Variants in RBFOX1 observed in about 807,000 individuals in gnomAD.
RBFOX1 encodes the protein RNA binding fox-1 homolog 1.
RBFOX1 carries 8 observed loss-of-function variants against 57.7 expected under a neutral mutation model. The observed-to-expected ratio is 0.14, with a 90% CI of 0.08 to 0.25. The LOEUF (loss-of-function observed/expected upper bound fraction) is 0.25, where lower values mean the gene tolerates loss of function less well. Ranked by LOEUF, RBFOX1 falls within the 10% of genes least tolerant of loss-of-function variation. RBFOX1 has a pLI of 1.00. For synonymous variants in RBFOX1, 326 were observed against 222.4 expected (o/e 1.47, Z -4.15); for missense variants, 611 against 548.5 (o/e 1.11, Z -1.14).
intron 4 of RBFOX1, among the ~76,000 whole-genome samples, chr16:7,268,127 C>T (rs2095219931): frequency 6.6e-6 from 1 of 152,152 alleles, no homozygotes; most frequent in Admixed American, 6.5e-5. Flanking sequence ...ACATCATGGC[C>T]AGTGTCCCTG....
At chr16:7,266,619 C>T (rs1454069052) in intron 4 of RBFOX1, among the ~76,000 whole-genome samples, 2 of 152,038 alleles carry the variant, frequency 1.3e-5, no homozygotes, top group Non-Finnish European at 2.9e-5. Context: ...TTAGGGCTTC[C>T]GCATATGAAT....
intron 3 of RBFOX1, among the ~76,000 whole-genome samples, chr16:5,645,303 A>G (rs1327375239): frequency 6.6e-6 from 1 of 152,014 alleles, no homozygotes; most frequent in Non-Finnish European, 1.5e-5. Flanking sequence ...GAGTGAAAGA[A>G]GCTGCACACA....
intron 4 of RBFOX1, among the ~76,000 whole-genome samples, chr16:5,940,046 T>C (rs2059248552): frequency 6.6e-6 from 1 of 152,216 alleles, no homozygotes; most frequent in African/African-American, 2.4e-5. Flanking sequence ...TATACAGTCA[T>C]AGTGAGTGCT....
intron 1 of RBFOX1, among the ~76,000 whole-genome samples, chr16:6,257,832 C>T (rs2097677905): frequency 6.6e-6 from 1 of 152,058 alleles, no homozygotes; most frequent in Non-Finnish European, 1.5e-5. Context: ...CATTAATGGG[C>T]ATTTAGGTTG....
intron 1 of RBFOX1, among the ~76,000 whole-genome samples, chr16:6,230,422 G>A (rs1466138676): frequency 6.6e-6 from 1 of 152,162 alleles, no homozygotes; most frequent in Non-Finnish European, 1.5e-5. Flanking sequence ...CTATTATTCT[G>A]TGGAGTGCTC....
intron 3 of RBFOX1, among the ~76,000 whole-genome samples, chr16:6,867,898 C>T (rs1225199117): frequency 6.6e-6 from 1 of 152,142 alleles, no homozygotes; most frequent in Non-Finnish European, 1.5e-5. Flanking sequence ...ATTCCATACT[C>T]TTAAACAAGA....
chr16:6,855,119 A>G (rs923823171), intron 3 of RBFOX1, among the ~76,000 whole-genome samples: 2 of 152,058 alleles, frequency 1.3e-5, no homozygotes, highest in African/African-American at 4.8e-5. Flanking sequence ...GAGTTGACAG[A>G]TTCCAGCACT....
intron 4 of RBFOX1, among the ~76,000 whole-genome samples, chr16:7,083,897 G>C (rs1328764870): frequency 6.6e-6 from 1 of 152,018 alleles, no homozygotes; most frequent in East Asian, 1.9e-4. Context: ...GGTGAAGCTA[G>C]GAACCCTATC....
At chr16:5,829,112 A>G (rs1335720501) in intron 3 of RBFOX1, among the ~76,000 whole-genome samples, 1 of 152,164 alleles carries the variant, frequency 6.6e-6, no homozygotes, top group Non-Finnish European at 1.5e-5. Flanking sequence ...GCTCACACTC[A>G]GGAGGAGACC....
At chr16:7,349,073 G>C (rs368275574) in intron 4 of RBFOX1, among the ~76,000 whole-genome samples, 1 of 152,146 alleles carries the variant, frequency 6.6e-6, no homozygotes, top group African/African-American at 2.4e-5. Flanking sequence ...GCTAGTTTTG[G>C]AGAAAATAAA....
At chr16:7,348,022 G>T (rs1333819904) in intron 4 of RBFOX1, among the ~76,000 whole-genome samples, 1 of 152,146 alleles carries the variant, frequency 6.6e-6, no homozygotes, top group Admixed American at 6.5e-5. Flanking sequence ...CAATTGATTT[G>T]GTTTTCGATT....
intron 4 of RBFOX1, among the ~76,000 whole-genome samples, chr16:7,441,618 T>C (rs565672036): frequency 1.3e-5 from 2 of 152,366 alleles, no homozygotes; most frequent in East Asian, 3.9e-4. Context: ...CCCCCTGTTA[T>C]TAGCTGCCAA....
chr16:7,100,323 T>G (rs2062458885), intron 4 of RBFOX1, among the ~76,000 whole-genome samples: 1 of 152,200 alleles, frequency 6.6e-6, no homozygotes, highest in Non-Finnish European at 1.5e-5. Context: ...AAAGTCATAT[T>G]TGGACATTAT....
intron 1 of RBFOX1, among the ~76,000 whole-genome samples, chr16:6,171,479 A>G (rs932964468): frequency 6.6e-6 from 1 of 152,186 alleles, no homozygotes; most frequent in Non-Finnish European, 1.5e-5. Flanking sequence ...TAAAAGATGA[A>G]ATTTAGACAC....
rs1567133450 is a variant in RBFOX1, at chr16:5,908,095, T to TATATATATATATATATAC, written c.351+40761_351+40762insTATATATATATATATACA. Among the ~76,000 whole-genome samples the TATATATATATATATATAC allele has an allele frequency of 6.4e-5, 9 of 139,872 alleles. 1 individual carries two copies. Among genetic ancestry groups the TATATATATATATATATAC allele is most frequent in the African/African-American group, 2.7e-4 (9 of 33,230 alleles). 91.8% of individuals were successfully genotyped at this position (139,872 alleles called of 152,430 possible). On this transcript the variant is annotated intron_variant, in intron 4 of 19. Coordinates refer to the RBFOX1 transcript ENST00000641259. The stretch of plus-strand genomic sequence containing the variant: ...GTATATATATATATATACACATATA[T>TATATATATATATATATAC]ACACATATATATATACACATATATA...
At chr16:5,856,035 A>G (rs1263549289) in intron 3 of RBFOX1, among the ~76,000 whole-genome samples, 1 of 126,134 alleles carries the variant, frequency 7.9e-6, no homozygotes, top group Non-Finnish European at 1.6e-5. Context: ...TTTTCTTTCC[A>G]GTAGTTCATT....
At chr16:6,289,373 C>T (rs2077226819) in intron 1 of RBFOX1, among the ~76,000 whole-genome samples, 1 of 152,066 alleles carries the variant, frequency 6.6e-6, no homozygotes, top group Non-Finnish European at 1.5e-5. Context: ...CCTTCCCTCC[C>T]AAAAGTGTAC....
chr16:6,925,492 A>T (rs184601824), intron 3 of RBFOX1, among the ~76,000 whole-genome samples: 2 of 149,192 alleles, frequency 1.3e-5, no homozygotes, highest in African/African-American at 5.1e-5. Flanking sequence ...TGTCCTATCC[A>T]CCCTATTCCA....
chr16:7,390,903 A>G (rs191102242), intron 4 of RBFOX1, among the ~76,000 whole-genome samples: 6 of 152,278 alleles, frequency 3.9e-5, no homozygotes, highest in African/African-American at 1.4e-4. Context: ...AATTACAATT[A>G]TGGAATAAAA....
Sources: allele counts gnomAD v4.1 joint callset (sites outside exome capture counted in the v4.1 genomes callset), GRCh38; gene constraint gnomAD v4.1.1; transcripts MANE v1.5; gene names NCBI Gene and HGNC (gene_info 2026-07-23, HGNC 2026-07-21).